Variants in DLG2 observed in about 807,000 individuals in gnomAD.
The protein encoded by DLG2 is disks large homolog 2.
In DLG2, 45 loss-of-function variants were observed where a neutral mutation model predicts 132.5. The ratio of observed to expected loss-of-function variants is 0.34; its 90% CI spans 0.27 to 0.44. The LOEUF (loss-of-function observed/expected upper bound fraction) is 0.44. DLG2 is among the 20% of genes least tolerant of loss of function. DLG2 has a pLI of 1.00. For missense variants in DLG2, 1,045 were observed against 1,196.9 expected, an observed-to-expected ratio of 0.87 and a Z score of 1.87; for synonymous variants, 424 against 419.6, an observed-to-expected ratio of 1.01 and a Z score of -0.13.
At chr11:84,204,573 T>C (rs540275796) in intron 8 of DLG2, among the ~76,000 whole-genome samples, 1 of 152,224 alleles carries the variant, frequency 6.6e-6, no homozygotes, top group East Asian at 1.9e-4. Context: ...TTACTAATGG[T>C]GGACTTAAAT....
intron 3 of DLG2, among the ~76,000 whole-genome samples, chr11:85,457,743 A>C (rs1386192707): frequency 1.3e-5 from 2 of 152,194 alleles, no homozygotes; most frequent in Non-Finnish European, 2.9e-5. Context: ...ATTTTCCTTA[A>C]GAATGCTTAA....
chr11:85,301,893 C>T (rs773755819), intron 3 of DLG2, among the ~76,000 whole-genome samples: 11 of 152,184 alleles, frequency 7.2e-5, no homozygotes, highest in Non-Finnish European at 1.0e-4. Context: ...AAGAAAAATA[C>T]TTATCCCTCC....
intron 21 of DLG2, among the ~76,000 whole-genome samples, chr11:83,521,643 C>T (rs1305640001): frequency 1.3e-5 from 2 of 152,216 alleles, no homozygotes; most frequent in African/African-American, 2.4e-5. Context: ...TTCCCTTCCA[C>T]TGTCCTCCTA....
At chr11:83,550,411 G>C (rs7940037) in intron 19 of DLG2, among the ~76,000 whole-genome samples, 55,873 of 151,922 alleles carry the variant, frequency 0.37, 10,444 homozygotes, top group Middle Eastern at 0.53. Flanking sequence ...TTTTGGACAA[G>C]TCATCAGAGT....
intron 17 of DLG2, among the ~76,000 whole-genome samples, chr11:83,801,397 C>T (rs377071340): frequency 2.6e-5 from 4 of 152,144 alleles, no homozygotes; most frequent in Admixed American, 2.6e-4. Context: ...TTTCTTTTGG[C>T]TCCTTGTTAG....
At chr11:85,527,179 T>C (rs570381846) in intron 3 of DLG2, among the ~76,000 whole-genome samples, 1 of 106,316 alleles carries the variant, frequency 9.4e-6, no homozygotes, top group Non-Finnish European at 2.0e-5. Context: ...TGTTTTTATT[T>C]TTTTTTTTTT....
At chr11:85,491,415 C>G (rs1353784161) in intron 3 of DLG2, among the ~76,000 whole-genome samples, 1 of 151,964 alleles carries the variant, frequency 6.6e-6, no homozygotes, top group Non-Finnish European at 1.5e-5. Flanking sequence ...GAAGTTCTAG[C>G]CAGAGCAATC....
chr11:85,250,506 T>A (rs1445629023), intron 4 of DLG2, among the ~76,000 whole-genome samples: 1 of 152,196 alleles, frequency 6.6e-6, no homozygotes, highest in Non-Finnish European at 1.5e-5. Flanking sequence ...TAACACAGTA[T>A]AAATTTACTA....
intron 16 of DLG2, among the ~76,000 whole-genome samples, chr11:83,846,221 T>C (rs1393037039): frequency 6.6e-6 from 1 of 152,188 alleles, no homozygotes; most frequent in Non-Finnish European, 1.5e-5. Context: ...AGCGGAGATA[T>C]GCAAGATGTA....
At chr11:84,484,039 A>T (rs2099144803) in intron 7 of DLG2, among the ~76,000 whole-genome samples, 1 of 152,192 alleles carries the variant, frequency 6.6e-6, no homozygotes, top group Admixed American at 6.5e-5. Context: ...AGCAGGAGTC[A>T]GACCATGAGG....
intron 3 of DLG2, among the ~76,000 whole-genome samples, chr11:85,469,964 G>T (rs972194088): frequency 6.6e-6 from 1 of 151,900 alleles, no homozygotes; most frequent in Non-Finnish European, 1.5e-5. Flanking sequence ...AAAATCCAAA[G>T]CCCTTACTTT....
intron 17 of DLG2, among the ~76,000 whole-genome samples, chr11:83,805,088 C>T (rs1594700033): frequency 6.6e-6 from 1 of 152,094 alleles, no homozygotes; most frequent in South Asian, 2.1e-4. Flanking sequence ...TGCGTCATAG[C>T]AGGAAGCTCA....
chr11:84,530,047 A>G (rs2099331479), intron 7 of DLG2, among the ~76,000 whole-genome samples: 1 of 152,072 alleles, frequency 6.6e-6, no homozygotes, highest in South Asian at 2.1e-4. Context: ...TGGGGAAAGG[A>G]CTCCCTAGTC....
chr11:84,914,182 A>G (rs951786324), intron 6 of DLG2, among the ~76,000 whole-genome samples: 7 of 152,240 alleles, frequency 4.6e-5, no homozygotes, highest in Admixed American at 3.3e-4. Context: ...TTTTAAAGAA[A>G]GGTATTCCCT....
chr11:84,166,133 T>C (rs966161365), intron 8 of DLG2, among the ~76,000 whole-genome samples: 1 of 152,122 alleles, frequency 6.6e-6, no homozygotes, highest in African/African-American at 2.4e-5. Context: ...GTGGTCTATG[T>C]TCTGCCAAAG....
intron 8 of DLG2, among the ~76,000 whole-genome samples, chr11:84,224,463 C>T (rs1335840572): frequency 6.6e-6 from 1 of 152,208 alleles, no homozygotes; most frequent in African/African-American, 2.4e-5. Context: ...AATGGTCTTG[C>T]AGCTGTGTAC....
intron 19 of DLG2, among the ~76,000 whole-genome samples, chr11:83,578,342 G>A (rs1442366034): frequency 6.6e-6 from 1 of 151,632 alleles, no homozygotes; most frequent in East Asian, 1.9e-4. Flanking sequence ...CCTCCAAACA[G>A]ACATGCAAAG....
At chr11:84,882,926 A>AT (rs1456585665) in intron 6 of DLG2, among the ~76,000 whole-genome samples, 1 of 152,084 alleles carries the variant, frequency 6.6e-6, no homozygotes, top group African/African-American at 2.4e-5. Context: ...TTCAATAGGA[A>AT]TTTGCCATTT....
chr11:85,046,158 T>C (rs1393588995), intron 6 of DLG2, among the ~76,000 whole-genome samples: 1 of 152,006 alleles, frequency 6.6e-6, no homozygotes, highest in Non-Finnish European at 1.5e-5. Context: ...CGAACAGAAT[T>C]TGCAAAAGCG....
Sources: gnomAD v4.1 joint callset for allele counts (sites outside exome capture counted in the v4.1 genomes callset) on GRCh38, gnomAD v4.1.1 for gene constraint, MANE v1.5 for transcripts, NCBI Gene and HGNC (gene_info 2026-07-23, HGNC 2026-07-21) for gene names.